CAMK4: variants seen among roughly 807,000 people sequenced by gnomAD.
CAMK4 encodes the protein calcium/calmodulin-dependent protein kinase type IV.
In CAMK4, 22 loss-of-function variants were observed where a neutral mutation model predicts 44.9. That is an observed-to-expected ratio of 0.49 (90% CI 0.35 to 0.70). The LOEUF (loss-of-function observed/expected upper bound fraction) is 0.70, where lower values mean the gene tolerates loss of function less well. Ranked by LOEUF, CAMK4 falls within the 30% of genes least tolerant of loss-of-function variation. The pLI, the probability that CAMK4 is intolerant of heterozygous loss-of-function variation, is 0.01. For synonymous variants in CAMK4, 218 were observed against 215.4 expected (o/e 1.01, Z -0.11); for missense variants, 498 against 586.8 (o/e 0.85, Z 1.56).
chr5:111,232,007 T>C (rs1288956113), intron 1 of CAMK4, among the ~76,000 whole-genome samples: 1 of 152,180 alleles, frequency 6.6e-6, no homozygotes, highest in Non-Finnish European at 1.5e-5. Flanking sequence ...TGAAAAGTAA[T>C]TGAAAAGAAA....
intron 1 of CAMK4, among the ~76,000 whole-genome samples, chr5:111,264,585 A>C (rs933532419): frequency 2.0e-5 from 3 of 152,074 alleles, no homozygotes; most frequent in Admixed American, 2.0e-4. Context: ...GTGGTGTTTG[A>C]AGTCATTGAT....
At chr5:111,324,565 A>G (rs994609668) in intron 1 of CAMK4, among the ~76,000 whole-genome samples, 1 of 152,056 alleles carries the variant, frequency 6.6e-6, no homozygotes, top group Non-Finnish European at 1.5e-5. Context: ...AGATAAGGCA[A>G]AAATTGAAGG....
Position 111,473,359 on chromosome 5 carries a change from G to C in CAMK4, c.674G>C (p.Trp225Ser). Residue 225 changes from tryptophan (W) to serine (S), a missense_variant, in exon 8 of 11, where the codon TGG becomes TCG. By Grantham distance (177) the Trp-to-Ser change is radical. Coordinates refer to ENST00000282356, the MANE Select transcript of CAMK4 (RefSeq NM_001744.6). ...GCAYGPEVDMWSVGIITYILL... is the reference protein window; with the variant it reads ...GCAYGPEVDMSSVGIITYILL... The stretch of plus-strand genomic sequence containing the variant: ...GCCTATGGACCTGAGGTGGACATGT[G>C]GTCTGTAGGAATAATCACCTACATC... 1 of 1,611,426 alleles carries C rather than the reference G, an allele frequency of 6.2e-7. No individual in the cohort carries two copies. The highest frequency in any genetic ancestry group is 8.5e-7 in the Non-Finnish European group (1 of 1,177,880).
At chr5:111,418,251 G>A (rs879309418) in intron 5 of CAMK4, among the ~76,000 whole-genome samples, 3 of 152,180 alleles carry the variant, frequency 2.0e-5, no homozygotes, top group Non-Finnish European at 4.4e-5. Flanking sequence ...GTTCTTATTA[G>A]GGGTTTTCAA....
At chr5:111,393,013 G>A (rs558310380) in intron 4 of CAMK4, among the ~76,000 whole-genome samples, 10 of 152,212 alleles carry the variant, frequency 6.6e-5, no homozygotes, top group African/African-American at 2.2e-4. Context: ...ACACTAACTG[G>A]TCACTGAAAA....
At chr5:111,329,164 A>G (rs939067784) in intron 1 of CAMK4, among the ~76,000 whole-genome samples, 3 of 151,948 alleles carry the variant, frequency 2.0e-5, no homozygotes, top group Admixed American at 2.0e-4. Flanking sequence ...AAGGCCTTTG[A>G]CAAAATTCAA....
intron 1 of CAMK4, among the ~76,000 whole-genome samples, chr5:111,299,631 T>C (rs1747637572): frequency 6.6e-6 from 1 of 152,270 alleles, no homozygotes; most frequent in Non-Finnish European, 1.5e-5. Context: ...ATATTTAGTA[T>C]GTTTTAGAAA....
intron 5 of CAMK4, among the ~76,000 whole-genome samples, chr5:111,429,777 C>CA (rs70973607): frequency 0.033 from 878 of 26,326 alleles, 187 homozygotes; most frequent in Admixed American, 0.04. Flanking sequence ...GACCTCATCT[C>CA]AAAAAAAAAA....
intron 1 of CAMK4, among the ~76,000 whole-genome samples, chr5:111,253,627 A>C (rs1034449086): frequency 6.6e-6 from 1 of 152,222 alleles, no homozygotes; most frequent in Non-Finnish European, 1.5e-5. Flanking sequence ...ACAAATGTAC[A>C]TGGTGCATTT....
At chr5:111,291,009 G>A (rs1004292602) in intron 1 of CAMK4, among the ~76,000 whole-genome samples, 3 of 152,164 alleles carry the variant, frequency 2.0e-5, no homozygotes, top group African/African-American at 7.2e-5. Context: ...CAATGTTCTT[G>A]TGGTTTGTGT....
chr5:111,237,825 A>G lies in CAMK4; in HGVS notation c.161+13181A>G, dbSNP rs537146314. ...ACCTAAGGAGAGGGTCTTGAAGGAG[A>G]TAAGAGCATAAATAGTCTGTTCCAT... On this transcript the variant is annotated intron_variant, in intron 1 of 10. Transcript: ENST00000282356. 3.3e-5 allele frequency among the ~76,000 whole-genome samples: 5 copies of G among 152,302 alleles called. No individual in the cohort carries two copies. The East Asian group carries it at 9.6e-4, about 29-fold the overall frequency.
intron 7 of CAMK4, among the ~76,000 whole-genome samples, chr5:111,454,529 A>T (rs1262242181): frequency 6.6e-6 from 1 of 152,080 alleles, no homozygotes; most frequent in African/African-American, 2.4e-5. Flanking sequence ...AGAAAATTAA[A>T]ATTTATGGTC....
At chr5:111,237,967 T>C (rs1748806610) in intron 1 of CAMK4, among the ~76,000 whole-genome samples, 1 of 152,234 alleles carries the variant, frequency 6.6e-6, no homozygotes. Context: ...TTTACATTCC[T>C]GATGTTTATG....
intron 5 of CAMK4, among the ~76,000 whole-genome samples, chr5:111,446,419 T>C (rs1754029864): frequency 6.6e-6 from 1 of 152,202 alleles, no homozygotes; most frequent in African/African-American, 2.4e-5. Flanking sequence ...ATAAAGAGAA[T>C]TGTAACTAAT....
intron 1 of CAMK4, among the ~76,000 whole-genome samples, chr5:111,257,606 C>A (rs1484485669): frequency 6.6e-6 from 1 of 152,260 alleles, no homozygotes; most frequent in Middle Eastern, 3.4e-3. Context: ...CAAAGACCTG[C>A]AACCAGAAAT....
At chr5:111,387,839 T>C (rs1751660151) in intron 4 of CAMK4, among the ~76,000 whole-genome samples, 1 of 152,228 alleles carries the variant, frequency 6.6e-6, no homozygotes, top group Non-Finnish European at 1.5e-5. Context: ...CAAACACATC[T>C]ACTGATGTCA....
At chr5:111,462,918 C>G (rs1479680506) in intron 7 of CAMK4, among the ~76,000 whole-genome samples, 1 of 152,140 alleles carries the variant, frequency 6.6e-6, no homozygotes, top group Non-Finnish European at 1.5e-5. Flanking sequence ...TAAAAAGAGT[C>G]ACACTTAGAC....
intron 2 of CAMK4, among the ~76,000 whole-genome samples, chr5:111,357,440 G>A (rs183350196): frequency 7.2e-4 from 110 of 152,240 alleles, no homozygotes; most frequent in Non-Finnish European, 1.1e-3. Flanking sequence ...GTGAGAAGGG[G>A]AAAGCTATCA....
In CAMK4 at chr5:111,446,787, T is replaced by C; in HGVS notation, c.550+11T>C. 6.4e-7 allele frequency: 1 copy of C among 1,553,652 alleles called. No individual in the cohort carries two copies. The highest frequency in any genetic ancestry group is 1.1e-5 in the South Asian group (1 of 89,828). On this transcript the variant is annotated intron_variant, in intron 6 of 10. Transcript: ENST00000282356. ...CACCACTCAAAATCGGTGAGAACAT[T>C]TCTTCTTGTTTTGTGACCCCTTTTT...
Sources: allele counts gnomAD v4.1 joint callset (sites outside exome capture counted in the v4.1 genomes callset), GRCh38; gene constraint gnomAD v4.1.1; transcripts MANE v1.5; gene names NCBI Gene and HGNC (gene_info 2026-07-23, HGNC 2026-07-21).